Variants in CSGALNACT1 observed in about 807,000 individuals in gnomAD.
CSGALNACT1 encodes the protein chondroitin sulfate N-acetylgalactosaminyltransferase 1, also known as beta4GalNAcT-1.
Under a neutral mutation model 51.0 loss-of-function variants are expected in CSGALNACT1, and 52 were observed. The observed-to-expected ratio is 1.02, with a 90% CI of 0.82 to 1.29. The LOEUF is 1.29. Ranked by LOEUF, CSGALNACT1 falls within the 50% of genes most tolerant of loss-of-function variation. The probability of loss-of-function intolerance (pLI) is 0.00; values close to 1 mark genes in which losing one functional copy is unlikely to be tolerated. For synonymous variants in CSGALNACT1, 341 were observed against 254.4 expected (o/e 1.34, Z -3.24); for missense variants, 935 against 679.2 (o/e 1.38, Z -4.19).
chr8:19,641,004 A>C (rs1444389864), intron 1 of CSGALNACT1, among the ~76,000 whole-genome samples: 4 of 152,086 alleles, frequency 2.6e-5, no homozygotes, highest in Non-Finnish European at 5.9e-5. Flanking sequence ...TGTGAGACTC[A>C]GGCTGCTTAA....
At chr8:19,633,158 G>T (rs1040775434) in intron 1 of CSGALNACT1, among the ~76,000 whole-genome samples, 2 of 151,986 alleles carry the variant, frequency 1.3e-5, no homozygotes, top group African/African-American at 4.8e-5. Flanking sequence ...GGGACCTCTG[G>T]CACAGGAGGT....
At chr8:19,458,663 A>T in intron 4 of CSGALNACT1, 21 bp from the exon 4 acceptor site, 1 of 1,610,826 alleles carries the variant, frequency 6.2e-7, no homozygotes, top group Non-Finnish European at 8.5e-7. Flanking sequence ...AAAAACAAGG[A>T]AAGATAGTTC....
chr8:19,701,030 C>A (rs905341321), intron 1 of CSGALNACT1, among the ~76,000 whole-genome samples: 1 of 152,052 alleles, frequency 6.6e-6, no homozygotes, highest in African/African-American at 2.4e-5. Flanking sequence ...CTTGCAGGTG[C>A]CTTTCTGACC....
chr8:19,547,887 C>T (rs773035160), intron 3 of CSGALNACT1, among the ~76,000 whole-genome samples: 25 of 152,148 alleles, frequency 1.6e-4, no homozygotes, highest in Admixed American at 3.3e-4. Flanking sequence ...ACTGCCAGAC[C>T]CTGAGGGATT....
At chr8:19,604,905 ACTCTGT>A (rs2051142157), upstream of CSGALNACT1, among the ~76,000 whole-genome samples, 1 of 134,874 alleles carries the variant, frequency 7.4e-6, no homozygotes, top group Non-Finnish European at 1.5e-5. Flanking sequence ...ACAGAGCAAG[ACTCTGT>A]CTCAAAAAAA....
At chr8:19,542,145 G>A (rs1215641354) in intron 3 of CSGALNACT1, among the ~76,000 whole-genome samples, 1 of 151,070 alleles carries the variant, frequency 6.6e-6, no homozygotes, top group Non-Finnish European at 1.5e-5. Flanking sequence ...TGAGCTCCTT[G>A]ATTTAGACAA....
intron 3 of CSGALNACT1, among the ~76,000 whole-genome samples, chr8:19,566,263 C>T (rs1040800816): frequency 2.0e-5 from 3 of 152,092 alleles, no homozygotes; most frequent in African/African-American, 4.8e-5. Context: ...AGCAATGTGA[C>T]CATGATCAGA....
chr8:19,547,934 G>A (rs921822168), intron 3 of CSGALNACT1, among the ~76,000 whole-genome samples: 1 of 152,158 alleles, frequency 6.6e-6, no homozygotes, highest in Non-Finnish European at 1.5e-5. Flanking sequence ...TTATTGATGG[G>A]AAAGAGGAGA....
intron 1 of CSGALNACT1, among the ~76,000 whole-genome samples, chr8:19,647,189 C>G (rs982439811): frequency 9.9e-5 from 15 of 152,152 alleles, no homozygotes; most frequent in African/African-American, 3.6e-4. Context: ...CTCACCCTGA[C>G]CAGGTGCCAT....
chr8:19,656,601 CACA>C (rs753616431), intron 1 of CSGALNACT1, among the ~76,000 whole-genome samples: 8 of 56,484 alleles, frequency 1.4e-4, no homozygotes, highest in South Asian at 4.3e-4. Context: ...GCCCCCCCCC[CACA>C]CACACACACG....
chr8:19,497,108 A>G (rs1426861966), intron 4 of CSGALNACT1, among the ~76,000 whole-genome samples: 1 of 152,134 alleles, frequency 6.6e-6, no homozygotes, highest in Non-Finnish European at 1.5e-5. Flanking sequence ...ACAGGAAAAT[A>G]CCCTAAGACC....
chr8:19,687,580 A>G (rs2061048505), upstream of CSGALNACT1, among the ~76,000 whole-genome samples: 2 of 152,224 alleles, frequency 1.3e-5, no homozygotes, highest in South Asian at 4.1e-4. Context: ...TCCATGTTGT[A>G]TGCCTTGGTC....
At chr8:19,743,865 T>C (rs2064471252) in intron 1 of CSGALNACT1, among the ~76,000 whole-genome samples, 1 of 152,198 alleles carries the variant, frequency 6.6e-6, no homozygotes, top group South Asian at 2.1e-4. Context: ...AGAGGTTTCA[T>C]AATCTTTGTA....
At position 19,612,946 on chromosome 8, in the gene CSGALNACT1, GAAAAA is replaced by G. The variant is rs1165754811; in HGVS notation, c.-543-11086_-543-11082del. Reference sequence around the variant, plus strand: ...CAAAAGAAGAGAGGAAAAGCAGCTGGAAAAAAAAAAAAAAAAAAAAAAAAAAAAAA... The same window carrying G: ...CAAAAGAAGAGAGGAAAAGCAGCTGGAAAAAAAAAAAAAAAAAAAAAAAAA... On this transcript the variant is annotated intron_variant, in intron 1 of 9. Transcript: ENST00000332246. Among the ~76,000 whole-genome samples, 15 of 15,444 alleles carry G rather than the reference GAAAAA, an allele frequency of 9.7e-4. 1 individual carries two copies. The highest frequency in any genetic ancestry group is 2.6e-3 in the Admixed American group (2 of 770). 10.1% of individuals were successfully genotyped at this position (15,444 alleles called of 152,430 possible).
intron 4 of CSGALNACT1, among the ~76,000 whole-genome samples, chr8:19,473,441 C>A (rs945956066): frequency 3.3e-5 from 5 of 152,200 alleles, no homozygotes; most frequent in Admixed American, 1.3e-4. Context: ...ACATGATTAT[C>A]ACAGGGTCCT....
intron 1 of CSGALNACT1, among the ~76,000 whole-genome samples, chr8:19,631,392 C>A (rs1044756726): frequency 6.6e-6 from 1 of 152,118 alleles, no homozygotes; most frequent in African/African-American, 2.4e-5. Context: ...TTCTAACAGG[C>A]GGGTCTCTTG....
intron 1 of CSGALNACT1, among the ~76,000 whole-genome samples, chr8:19,630,855 C>A (rs1247681112): frequency 1.3e-5 from 2 of 152,102 alleles, no homozygotes; most frequent in African/African-American, 4.8e-5. Context: ...AAAAAGTGAT[C>A]ATAAACTATG....
chr8:19,539,690 GAT>G (rs2154068286), intron 3 of CSGALNACT1, among the ~76,000 whole-genome samples: 1 of 152,330 alleles, frequency 6.6e-6, no homozygotes, highest in East Asian at 1.9e-4. Flanking sequence ...TATGCACAGT[GAT>G]ATGTGACACA....
chr8:19,680,126 T>A (rs2060487275), intron 1 of CSGALNACT1, among the ~76,000 whole-genome samples: 1 of 152,194 alleles, frequency 6.6e-6, no homozygotes, highest in African/African-American at 2.4e-5. Flanking sequence ...TCCAAAAGCC[T>A]ATTTCACTTG....
Sources: allele counts gnomAD v4.1 joint callset (sites outside exome capture counted in the v4.1 genomes callset), GRCh38; gene constraint gnomAD v4.1.1; transcripts MANE v1.5; gene names NCBI Gene and HGNC (gene_info 2026-07-23, HGNC 2026-07-21).